LUZP2: variants seen among roughly 807,000 people sequenced by gnomAD.
LUZP2 encodes leucine zipper protein 2.
A neutral mutation model predicts 51.6 loss-of-function variants in LUZP2; 52 were observed. That is an observed-to-expected ratio of 1.01 (90% confidence interval 0.81 to 1.27). The LOEUF is 1.27. Among genes scored for constraint, LUZP2 ranks in the 50% most tolerant of loss-of-function variants. The probability of loss-of-function intolerance (pLI) is 0.00; values close to 1 mark genes in which losing one functional copy is unlikely to be tolerated. For synonymous variants in LUZP2, 154 were observed against 137.3 expected (o/e 1.12, Z -0.85); for missense variants, 436 against 395.4 (o/e 1.10, Z -0.87).
chr11:24,563,519 T>C (rs1414019516), intron 1 of LUZP2, among the ~76,000 whole-genome samples: 1 of 152,204 alleles, frequency 6.6e-6, no homozygotes, highest in Non-Finnish European at 1.5e-5. Flanking sequence ...ATTACTATGT[T>C]ATTGGATATA....
chr11:24,733,949 T>C lies in LUZP2; in HGVS notation c.251+1761T>C, dbSNP rs371932507. On this transcript the variant is annotated intron_variant, in intron 3 of 11. Coordinates refer to ENST00000336930, the MANE Select transcript of LUZP2 (RefSeq NM_001009909.4). ...GAGAAGATTAGAAAATAAATCTGTA[T>C]GTAAAGACAAAAATAAAAATGGCTA... Among the ~76,000 whole-genome samples the C allele has an allele frequency of 1.3e-4, 19 of 151,800 alleles. No homozygotes were observed. In the East Asian group the frequency reaches 1.4e-3, roughly 11 times the overall value.
chr11:24,612,568 T>A (rs963848293), intron 1 of LUZP2, among the ~76,000 whole-genome samples: 13 of 151,940 alleles, frequency 8.6e-5, no homozygotes, highest in African/African-American at 2.7e-4. Context: ...TGGATTTAGA[T>A]CTCAACTTTG....
intron 1 of LUZP2, among the ~76,000 whole-genome samples, chr11:24,676,868 T>C (rs1474059953): frequency 2.0e-5 from 3 of 152,114 alleles, no homozygotes; most frequent in African/African-American, 7.2e-5. Context: ...GGTTTCTCCA[T>C]GTTGGCTAGG....
intron 1 of LUZP2, among the ~76,000 whole-genome samples, chr11:24,549,293 A>G (rs530517597): frequency 3.9e-5 from 6 of 152,238 alleles, no homozygotes; most frequent in African/African-American, 1.4e-4. Context: ...TATCAATATC[A>G]CTGTCACGCA....
rs1032247928 is a variant in LUZP2, at chr11:24,625,795, A to T, written c.63-103374A>T. ...GGGAATAACTAGACCCACAAAAGGC[A>T]TTGATAAAGAAATAGAGTAGATTAG... On this transcript the variant is annotated intron_variant, in intron 1 of 11. Transcript: ENST00000336930. 8.7e-4 allele frequency among the ~76,000 whole-genome samples: 133 copies of T among 152,266 alleles called. 1 individual carries two copies. Among genetic ancestry groups the T allele is most frequent in the African/African-American group, 2.9e-3 (120 of 41,568 alleles).
chr11:24,692,959 TGAC>T (rs1347405933), intron 1 of LUZP2, among the ~76,000 whole-genome samples: 1 of 151,928 alleles, frequency 6.6e-6, no homozygotes, highest in African/African-American at 2.4e-5. Flanking sequence ...CATTTTTGAC[TGAC>T]AAGTTTTTTT....
chr11:24,793,319 A>G (rs755383745), intron 5 of LUZP2, among the ~76,000 whole-genome samples: 10 of 152,072 alleles, frequency 6.6e-5, no homozygotes, highest in Non-Finnish European at 1.3e-4. Context: ...TTTTGTTGTG[A>G]CTTATTTCTA....
intron 1 of LUZP2, among the ~76,000 whole-genome samples, chr11:24,693,827 A>G (rs1056300931): frequency 6.6e-6 from 1 of 151,978 alleles, no homozygotes; most frequent in African/African-American, 2.4e-5. Context: ...AGGTGTACAG[A>G]TGGAGAAGAT....
At chr11:24,997,406 A>G (rs1856538873) in intron 9 of LUZP2, among the ~76,000 whole-genome samples, 2 of 152,120 alleles carry the variant, frequency 1.3e-5, no homozygotes. Flanking sequence ...TTTTGGCTGC[A>G]TAAATGTCTT....
chr11:24,789,135 C>A (rs540407152), intron 5 of LUZP2, among the ~76,000 whole-genome samples: 80 of 152,266 alleles, frequency 5.3e-4, no homozygotes, highest in African/African-American at 1.7e-3. Context: ...CTGCTGTGTG[C>A]CCAGGAATTA....
At chr11:24,964,730 C>T (rs1042638053) in intron 7 of LUZP2, among the ~76,000 whole-genome samples, 1 of 151,834 alleles carries the variant, frequency 6.6e-6, no homozygotes, top group Non-Finnish European at 1.5e-5. Flanking sequence ...AGAATTTTGT[C>T]CTTATGAAAT....
chr11:24,574,328 CCCTCCCTT>C (rs1852564140), intron 1 of LUZP2, among the ~76,000 whole-genome samples: 1 of 117,522 alleles, frequency 8.5e-6, no homozygotes, highest in Non-Finnish European at 1.8e-5. Context: ...CTCCCTCCCT[CCCTCCCTT>C]GCTTCCTTCC....
At chr11:24,871,554 G>T (rs16913443) in intron 5 of LUZP2, among the ~76,000 whole-genome samples, 3,309 of 152,074 alleles carry the variant, frequency 0.022, 135 homozygotes, top group African/African-American at 0.075. Flanking sequence ...CTGAGTTCTA[G>T]TATAAGTTAT....
intron 9 of LUZP2, among the ~76,000 whole-genome samples, chr11:24,988,351 A>C (rs1180168869): frequency 1.3e-5 from 2 of 151,784 alleles, no homozygotes; most frequent in East Asian, 1.9e-4. Context: ...AGAAGGTAAA[A>C]TTTTTTTTCA....
intron 1 of LUZP2, among the ~76,000 whole-genome samples, chr11:24,558,340 C>CATA (rs1400120966): frequency 6.6e-6 from 1 of 151,458 alleles, no homozygotes; most frequent in East Asian, 1.9e-4. Flanking sequence ...TTTCGGACTT[C>CATA]ATAATAAAGT....
intron 5 of LUZP2, among the ~76,000 whole-genome samples, chr11:24,874,777 G>A (rs1257243972): frequency 6.6e-6 from 1 of 151,992 alleles, no homozygotes; most frequent in Non-Finnish European, 1.5e-5. Flanking sequence ...GCTAATTAAC[G>A]TTATTACTGA....
chr11:24,595,370 A>C (rs1189297516), intron 1 of LUZP2, among the ~76,000 whole-genome samples: 3 of 152,090 alleles, frequency 2.0e-5, no homozygotes, highest in Admixed American at 6.6e-5. Context: ...GGCACTGGGG[A>C]ACTAATTGGT....
intron 7 of LUZP2, among the ~76,000 whole-genome samples, chr11:24,947,061 A>T (rs1854920411): frequency 1.3e-5 from 2 of 151,758 alleles, no homozygotes; most frequent in East Asian, 1.9e-4. Flanking sequence ...ATAACTTTTG[A>T]CTCCCCAAGT....
At chr11:24,826,190 A>AAAAAAAAAATATATATATATATAT (rs1215786412) in intron 5 of LUZP2, among the ~76,000 whole-genome samples, 2 of 67,532 alleles carry the variant, frequency 3.0e-5, no homozygotes, top group African/African-American at 1.2e-4. Context: ...AAAAAAAAAA[A>AAAAAAAAAATATATATATATATAT]ATATATATAT....
Sources: allele counts gnomAD v4.1 joint callset (sites outside exome capture counted in the v4.1 genomes callset), GRCh38; gene constraint gnomAD v4.1.1; transcripts MANE v1.5; gene names NCBI Gene and HGNC (gene_info 2026-07-23, HGNC 2026-07-21).